The following RAP1GDS1 variants were observed in gnomAD, a reference collection of about 807,000 sequenced individuals.
RAP1GDS1 encodes Rap1 GTPase-GDP dissociation stimulator 1.
Under a neutral mutation model 71.1 loss-of-function variants are expected in RAP1GDS1, and 35 were observed. That is an observed-to-expected ratio of 0.49 (90% CI 0.38 to 0.65). The LOEUF (loss-of-function observed/expected upper bound fraction) is 0.65. RAP1GDS1 is among the 30% of genes least tolerant of loss of function. The pLI is 0.00. For synonymous variants in RAP1GDS1, 229 were observed against 243.1 expected (o/e 0.94, Z 0.54); for missense variants, 663 against 706.1 (o/e 0.94, Z 0.69).
At position 98,275,194 on chromosome 4, in the gene RAP1GDS1, T is replaced by C. The variant is rs562957293; in HGVS notation, c.4+13625T>C. ...TATTGTATAGTACAATGGTTTGCCA[T>C]CTAACTCGATAACAAAACAATTCAC... On this transcript the variant is annotated intron_variant, in intron 1 of 14. Transcript: ENST00000408927. Among the ~76,000 whole-genome samples, 172 of 152,292 alleles carry C rather than the reference T, an allele frequency of 1.1e-3. 1 individual carries two copies. In the South Asian group the frequency reaches 0.018, roughly 16 times the overall value.
At chr4:98,365,627 A>C (rs1430078669) in intron 4 of RAP1GDS1, among the ~76,000 whole-genome samples, 1 of 152,196 alleles carries the variant, frequency 6.6e-6, no homozygotes, top group African/African-American at 2.4e-5. Context: ...TGTCTCAAAA[A>C]AATAAAATAA....
chr4:98,391,566 T>C (rs1315398857), intron 5 of RAP1GDS1, among the ~76,000 whole-genome samples: 1 of 152,116 alleles, frequency 6.6e-6, no homozygotes, highest in Non-Finnish European at 1.5e-5. Flanking sequence ...TTCTCATGCT[T>C]TTCATATTCT....
chr4:98,443,015 A>ATTTTTTTTTCTTTTTTTTTTTTCTTTT lies in RAP1GDS1; in HGVS notation c.*907_*908insCTTTTTTTTTTTTCTTTTTTTTTTTTT, dbSNP rs543199019. ...TGAGTATAGTTCATTGAAGAATGGA[A>ATTTTTTTTTCTTTTTTTTTTTTCTTTT]TTTTTTTTTTTTTTTTTTTTTTTGC... is the stretch of plus-strand genomic sequence containing the variant. On this transcript the variant is annotated 3_prime_UTR_variant, in exon 15 of 15. Coordinates refer to ENST00000408927, the MANE Select transcript of RAP1GDS1 (RefSeq NM_001100427.2). 7.6e-6 allele frequency: 1 copy of ATTTTTTTTTCTTTTTTTTTTTTCTTTT among 130,754 alleles called. No individual in the cohort carries two copies. The highest frequency in any genetic ancestry group is 4.0e-5 in the African/African-American group (1 of 25,008). 8.1% of individuals were successfully genotyped at this position (130,754 alleles called of 1,614,324 possible).
intron 4 of RAP1GDS1, among the ~76,000 whole-genome samples, chr4:98,366,469 G>C (rs533660128): frequency 1.3e-5 from 2 of 152,214 alleles, no homozygotes; most frequent in South Asian, 4.1e-4. Context: ...TTGGTACCAG[G>C]AGTGGGGCAC....
chr4:98,275,950 G>C (rs10470895), intron 1 of RAP1GDS1, among the ~76,000 whole-genome samples: 21,823 of 152,014 alleles, frequency 0.14, 2,271 homozygotes, highest in African/African-American at 0.29. Flanking sequence ...CCCTCTTCTT[G>C]ACCAGTTTTT....
At chr4:98,440,973 G>A (rs1351651904) in intron 14 of RAP1GDS1, among the ~76,000 whole-genome samples, 8 of 152,230 alleles carry the variant, frequency 5.3e-5, no homozygotes, top group Non-Finnish European at 7.3e-5. Context: ...GATAACAGGC[G>A]TGAGCCACCA....
chr4:98,267,871 G>C (rs1722915202), intron 1 of RAP1GDS1, among the ~76,000 whole-genome samples: 1 of 152,184 alleles, frequency 6.6e-6, no homozygotes, highest in Non-Finnish European at 1.5e-5. Context: ...CCAGTAATGG[G>C]ATGGCTGGGT....
intron 1 of RAP1GDS1, among the ~76,000 whole-genome samples, chr4:98,262,597 G>A (rs1325106757): frequency 6.6e-6 from 1 of 152,146 alleles, no homozygotes; most frequent in East Asian, 1.9e-4. Context: ...TCCCCAGTTT[G>A]CTTCCACTCC....
chr4:98,349,882 T>C (rs1165360073), intron 3 of RAP1GDS1, among the ~76,000 whole-genome samples: 1 of 152,188 alleles, frequency 6.6e-6, no homozygotes, highest in Non-Finnish European at 1.5e-5. Flanking sequence ...ACTTTATGTC[T>C]TTAAAATTAG....
At chr4:98,368,990 C>T (rs993590940) in intron 4 of RAP1GDS1, among the ~76,000 whole-genome samples, 2 of 152,262 alleles carry the variant, frequency 1.3e-5, no homozygotes, top group Middle Eastern at 3.4e-3. Flanking sequence ...TTAATGGACT[C>T]ACAGTTTCAC....
chr4:98,341,987 A>G (rs1735566013), intron 2 of RAP1GDS1, among the ~76,000 whole-genome samples: 1 of 152,150 alleles, frequency 6.6e-6, no homozygotes, highest in Admixed American at 6.6e-5. Context: ...ACCATGTGCA[A>G]TATTTTTCTC....
chr4:98,421,674 G>C (rs1748882344), intron 12 of RAP1GDS1, among the ~76,000 whole-genome samples: 1 of 152,114 alleles, frequency 6.6e-6, no homozygotes, highest in African/African-American at 2.4e-5. Flanking sequence ...TGACCATGCA[G>C]CCTACTGATA....
At chr4:98,286,363 GT>G (rs1383109132) in intron 1 of RAP1GDS1, among the ~76,000 whole-genome samples, 2 of 151,758 alleles carry the variant, frequency 1.3e-5, no homozygotes, top group Admixed American at 6.6e-5. Context: ...CTCTCTCTGT[GT>G]AGAGCCTAAT....
intron 2 of RAP1GDS1, among the ~76,000 whole-genome samples, chr4:98,304,691 A>G (rs1021810482): frequency 3.9e-5 from 6 of 152,002 alleles, no homozygotes; most frequent in Non-Finnish European, 5.9e-5. Context: ...AAAGCTCTTT[A>G]GTTTAATTAG....
At chr4:98,353,587 G>A (rs547277958) in intron 4 of RAP1GDS1, among the ~76,000 whole-genome samples, 7 of 152,136 alleles carry the variant, frequency 4.6e-5, no homozygotes, top group Non-Finnish European at 7.4e-5. Context: ...TAGTCGTAAA[G>A]CTAGCCTCAT....
chr4:98,387,412 C>T, intron 5 of RAP1GDS1: 1 of 455,494 alleles, frequency 2.2e-6, no homozygotes, highest in Non-Finnish European at 4.4e-6. Flanking sequence ...GAAAAGGTTC[C>T]TCAACTTGAG....
chr4:98,265,236 C>T (rs1722563530), intron 1 of RAP1GDS1, among the ~76,000 whole-genome samples: 2 of 152,150 alleles, frequency 1.3e-5, no homozygotes, highest in African/African-American at 4.8e-5. Flanking sequence ...ATTTACTTGG[C>T]AACCCATTGA....
Position 98,443,034 on chromosome 4 carries a change from T to TG in RAP1GDS1, c.*917_*918insG. ...AATGGAATTTTTTTTTTTTTTTTTTTTTTTGCTGTTTTTCATCATTCAGCT... is the reference window on the plus strand; with the variant it reads ...AATGGAATTTTTTTTTTTTTTTTTTTGTTTTGCTGTTTTTCATCATTCAGCT... On this transcript the variant is annotated 3_prime_UTR_variant, in exon 15 of 15. Transcript: ENST00000408927. The TG allele has an allele frequency of 4.6e-6, 1 of 215,746 alleles. No individual in the cohort carries two copies. The highest frequency in any genetic ancestry group is 9.2e-6 in the Non-Finnish European group (1 of 108,786). The allele number at this position is 215,746 out of a possible 1,614,324, so 13.4% of individuals were successfully genotyped here.
chr4:98,286,672 G>A (rs1432175218), intron 1 of RAP1GDS1, among the ~76,000 whole-genome samples: 1 of 151,900 alleles, frequency 6.6e-6, no homozygotes, highest in Admixed American at 6.6e-5. Context: ...ATCACCTGAG[G>A]TCAGGAGTTC....
Sources: allele counts gnomAD v4.1 joint callset (sites outside exome capture counted in the v4.1 genomes callset), GRCh38; gene constraint gnomAD v4.1.1; transcripts MANE v1.5; gene names NCBI Gene and HGNC (gene_info 2026-07-23, HGNC 2026-07-21).